GAS7: variants seen among roughly 807,000 people sequenced by gnomAD.
The protein encoded by GAS7 is growth arrest specific 7.
In GAS7, 28 loss-of-function variants were observed where a neutral mutation model predicts 71.1. The ratio of observed to expected loss-of-function variants is 0.39; its 90% confidence interval spans 0.29 to 0.54. GAS7 has a LOEUF of 0.54. Among genes scored for constraint, GAS7 ranks in the 20% least tolerant of loss-of-function variants. The pLI, the probability that GAS7 is intolerant of heterozygous loss-of-function variation, is 0.62. For missense variants in GAS7, 436 were observed against 627.8 expected, an observed-to-expected ratio of 0.69 and a Z score of 3.27; for synonymous variants, 258 against 245.8, an observed-to-expected ratio of 1.05 and a Z score of -0.46.
intron 7 of GAS7, 121 bp from the exon 8 acceptor site, chr17:9,940,321 C>T: frequency 2.6e-6 from 2 of 754,802 alleles, no homozygotes; most frequent in Non-Finnish European, 4.9e-6. Context: ...TCTGAGACCA[C>T]ATGGCTCTTG....
chr17:10,152,781 G>A (rs2074176245), intron 1 of GAS7, among the ~76,000 whole-genome samples: 2 of 152,176 alleles, frequency 1.3e-5, no homozygotes, highest in South Asian at 2.1e-4. Context: ...AAGGCCCTGA[G>A]AGCTGAAGAT....
At chr17:10,181,919 GC>G in intron 1 of GAS7, among the ~76,000 whole-genome samples, 1 of 152,082 alleles carries the variant, frequency 6.6e-6, no homozygotes, top group Non-Finnish European at 1.5e-5. Context: ...TAACACATTG[GC>G]ATGCTAAATG....
At chr17:10,002,140 A>G (rs2071291852) in intron 2 of GAS7, among the ~76,000 whole-genome samples, 1 of 152,340 alleles carries the variant, frequency 6.6e-6, no homozygotes, top group South Asian at 2.1e-4. Context: ...TGGGTGGCTT[A>G]AAGAACAGAA....
At chr17:10,040,735 A>G (rs2072847995) in intron 1 of GAS7, among the ~76,000 whole-genome samples, 1 of 152,202 alleles carries the variant, frequency 6.6e-6, no homozygotes, top group East Asian at 1.9e-4. Context: ...AGTTATTTGC[A>G]TCTTCTCTCT....
chr17:10,035,409 G>A (rs549995004), intron 1 of GAS7, among the ~76,000 whole-genome samples: 1 of 152,320 alleles, frequency 6.6e-6, no homozygotes, highest in East Asian at 1.9e-4. Flanking sequence ...AGGTTCCCGG[G>A]TAGTTCAGAT....
At chr17:10,124,582 G>A (rs1444143393) in intron 1 of GAS7, among the ~76,000 whole-genome samples, 2 of 152,202 alleles carry the variant, frequency 1.3e-5, no homozygotes, top group African/African-American at 2.4e-5. Context: ...CAGCGAATGG[G>A]GCACTGGATA....
intron 1 of GAS7, among the ~76,000 whole-genome samples, chr17:10,058,842 A>G (rs2073183588): frequency 1.3e-5 from 2 of 152,236 alleles, no homozygotes; most frequent in African/African-American, 4.8e-5. Flanking sequence ...AAGTTGACAA[A>G]ATGGTCACAC....
chr17:10,033,601 C>A (rs910201234), intron 1 of GAS7, among the ~76,000 whole-genome samples: 3 of 152,190 alleles, frequency 2.0e-5, no homozygotes, highest in African/African-American at 7.2e-5. Context: ...CAAGCACAAG[C>A]GACACAGCTG....
intron 2 of GAS7, among the ~76,000 whole-genome samples, chr17:10,015,325 C>A (rs1252210327): frequency 6.6e-6 from 1 of 152,146 alleles, no homozygotes; most frequent in South Asian, 2.1e-4. Flanking sequence ...AGACTAGAAG[C>A]GTCTGGAAGA....
intron 2 of GAS7, among the ~76,000 whole-genome samples, chr17:10,000,433 A>G (rs1320445143): frequency 1.3e-5 from 2 of 151,986 alleles, no homozygotes; most frequent in East Asian, 1.9e-4. Context: ...CCCACCAATT[A>G]CTCTTGACTT....
intron 1 of GAS7, among the ~76,000 whole-genome samples, chr17:10,027,530 A>G (rs2072496208): frequency 6.6e-6 from 1 of 152,236 alleles, no homozygotes; most frequent in African/African-American, 2.4e-5. Context: ...CGCCTCCTTC[A>G]GTGGGATTGA....
At chr17:10,132,371 A>G (rs1472647521) in intron 1 of GAS7, among the ~76,000 whole-genome samples, 3 of 151,814 alleles carry the variant, frequency 2.0e-5, no homozygotes, top group Non-Finnish European at 4.4e-5. Context: ...TCACCCCACC[A>G]CCCTACGTGC....
intron 1 of GAS7, among the ~76,000 whole-genome samples, chr17:10,030,856 C>T (rs1286710101): frequency 1.3e-5 from 2 of 152,222 alleles, no homozygotes; most frequent in African/African-American, 2.4e-5. Flanking sequence ...TCACATCAGA[C>T]GCCCACCCCC....
chr17:9,943,138 T>C lies in GAS7; in HGVS notation c.714A>G (p.Ser238=). The change falls in exon 7 of 14, where the codon TCA becomes TCG. Residue 238 remains serine, a synonymous_variant. Transcript: ENST00000432992. ...LKGKQMQKEM[S]EFIRERIKIE... is the part of the protein sequence containing the mutation. ...GGCTTCACCTTTCCCGGATGAATTC[T>C]GACATTTCCTTCTGCATTTGTTTGC... The C allele has an allele frequency of 6.2e-7, 1 of 1,609,220 alleles. No individual in the cohort carries two copies. The highest frequency in any genetic ancestry group is 1.3e-5 in the African/African-American group (1 of 74,984).
chr17:10,092,387 A>C lies in GAS7; in HGVS notation c.184-72490T>G, dbSNP rs190280945. 1.3e-4 allele frequency among the ~76,000 whole-genome samples: 20 copies of C among 152,346 alleles called. 1 individual carries two copies. The highest frequency in any genetic ancestry group is 4.4e-5 in the Non-Finnish European group (3 of 68,038). On this transcript the variant is annotated intron_variant, in intron 1 of 13. Coordinates refer to ENST00000432992, the MANE Select transcript of GAS7 (RefSeq NM_201433.2). ...GTCTGCTTTCCCCAGCAGAATCTAA[A>C]CAGTGAGGGCAGGGACTGTGTTAGA...
rs148862903 is a variant in GAS7 at position 10,159,544 on chromosome 17, C to T, written c.183+38664G>A. On this transcript the variant is annotated intron_variant, in intron 1 of 13. Coordinates refer to ENST00000432992, the MANE Select transcript of GAS7 (RefSeq NM_201433.2). Reference sequence around the variant, plus strand: ...GTTAAGTGAGAAAAGCCAGATGCACCCCCCCCAACCTCCATCACCAAAAAG... The same window carrying T: ...GTTAAGTGAGAAAAGCCAGATGCACTCCCCCCAACCTCCATCACCAAAAAG... Among the ~76,000 whole-genome samples, 4 of 151,542 alleles carry T rather than the reference C, an allele frequency of 2.6e-5. No homozygotes were observed. The South Asian group carries it at 8.3e-4, about 31-fold the overall frequency.
chr17:10,061,233 T>G (rs2073216349), intron 1 of GAS7: 2 of 152,186 alleles, frequency 1.3e-5, no homozygotes, highest in South Asian at 2.1e-4. Flanking sequence ...AACAACAACT[T>G]CAAAGCCACT....
chr17:10,122,005 T>C (rs1052936285), intron 1 of GAS7, among the ~76,000 whole-genome samples: 21 of 152,054 alleles, frequency 1.4e-4, no homozygotes, highest in African/African-American at 4.8e-4. Context: ...ACAAAGGCAC[T>C]GAGGCACAAT....
rs1186215544 is a variant in GAS7, at chr17:10,168,269, T to TA, written c.183+29938dup. 1.5e-4 allele frequency among the ~76,000 whole-genome samples: 23 copies of TA among 152,246 alleles called. No individual in the cohort carries two copies. The South Asian group carries it at 3.9e-3, about 26-fold the overall frequency. ...CTAACAAAAAAAAATAACTTCAAGA[T>TA]ACATTATCAAGTGAGAAAAAAAAGA... is the stretch of plus-strand genomic sequence containing the variant. On this transcript the variant is annotated intron_variant, in intron 1 of 13. Coordinates refer to ENST00000432992, the MANE Select transcript of GAS7 (RefSeq NM_201433.2).
Sources: gnomAD v4.1 joint callset for allele counts (sites outside exome capture counted in the v4.1 genomes callset) on GRCh38, gnomAD v4.1.1 for gene constraint, MANE v1.5 for transcripts, NCBI Gene and HGNC (gene_info 2026-07-23, HGNC 2026-07-21) for gene names.